NCAM2: variants seen among roughly 807,000 people sequenced by gnomAD.
NCAM2 encodes the protein N-CAM-2.
Under a neutral mutation model 98.1 loss-of-function variants are expected in NCAM2, and 30 were observed. The ratio of observed to expected loss-of-function variants is 0.31; its 90% CI spans 0.23 to 0.41. The LOEUF (loss-of-function observed/expected upper bound fraction) is 0.41. Ranked by LOEUF, NCAM2 falls within the 10% of genes least tolerant of loss-of-function variation. The pLI, the probability that NCAM2 is intolerant of heterozygous loss-of-function variation, is 1.00. For synonymous variants in NCAM2, 368 were observed against 342.4 expected, an observed-to-expected ratio of 1.07 and a Z score of -0.83; for missense variants, 867 against 1,005.8, an observed-to-expected ratio of 0.86 and a Z score of 1.87.
chr21:21,184,949 C>A (rs1302575396), intron 1 of NCAM2, among the ~76,000 whole-genome samples: 1 of 152,096 alleles, frequency 6.6e-6, no homozygotes, highest in Non-Finnish European at 1.5e-5. Flanking sequence ...ACCACACTTA[C>A]AGATGCATTT....
chr21:21,275,623 T>G (rs2072700422), intron 1 of NCAM2, among the ~76,000 whole-genome samples: 1 of 152,106 alleles, frequency 6.6e-6, no homozygotes, highest in Non-Finnish European at 1.5e-5. Context: ...AACCCTTGTG[T>G]CAACAGAGGT....
intron 1 of NCAM2, among the ~76,000 whole-genome samples, chr21:21,140,401 C>T (rs1031557324): frequency 9.9e-5 from 15 of 152,136 alleles, no homozygotes; most frequent in African/African-American, 3.6e-4. Context: ...TCCTGTAAGC[C>T]ATACCTTCAA....
intron 12 of NCAM2, among the ~76,000 whole-genome samples, chr21:21,438,837 T>A (rs1313246411): frequency 6.6e-6 from 1 of 151,988 alleles, no homozygotes; most frequent in Non-Finnish European, 1.5e-5. Context: ...GAAACCAACA[T>A]TTTGGGAAGG....
At chr21:21,528,455 A>T (rs1012558737) in intron 16 of NCAM2, among the ~76,000 whole-genome samples, 1 of 152,138 alleles carries the variant, frequency 6.6e-6, no homozygotes. Flanking sequence ...AGCAGGGGAT[A>T]CGTGGGAAAT....
At chr21:21,217,935 G>A (rs189168593) in intron 1 of NCAM2, among the ~76,000 whole-genome samples, 164 of 152,224 alleles carry the variant, frequency 1.1e-3, no homozygotes, top group Non-Finnish European at 1.2e-3. Flanking sequence ...GGAAACCTCA[G>A]CCCCACAACC....
At chr21:21,197,032 C>T (rs144634384) in intron 1 of NCAM2, among the ~76,000 whole-genome samples, 89 of 152,290 alleles carry the variant, frequency 5.8e-4, no homozygotes, top group African/African-American at 1.8e-3. Flanking sequence ...AGTAAAAGCT[C>T]GCTGAGACCT....
intron 1 of NCAM2, among the ~76,000 whole-genome samples, chr21:21,241,989 A>C (rs2071083788): frequency 1.3e-5 from 2 of 152,192 alleles, no homozygotes; most frequent in African/African-American, 2.4e-5. Flanking sequence ...ATATTAAAAT[A>C]ATGGATCTCA....
At chr21:21,502,057 T>G (rs1177664554) in intron 15 of NCAM2, among the ~76,000 whole-genome samples, 1 of 151,910 alleles carries the variant, frequency 6.6e-6, no homozygotes, top group African/African-American at 2.4e-5. Context: ...GAGAAAAATT[T>G]TGCCTAGTTG....
chr21:21,290,291 G>C (rs888108737), intron 4 of NCAM2: 5 of 151,916 alleles, frequency 3.3e-5, no homozygotes, highest in African/African-American at 1.2e-4. Flanking sequence ...AAGTATGATA[G>C]TGTTCCTCTT....
chr21:21,407,398 C>G (rs941027351), intron 9 of NCAM2, among the ~76,000 whole-genome samples: 1 of 152,192 alleles, frequency 6.6e-6, no homozygotes, highest in East Asian at 1.9e-4. Context: ...GCATTCAACA[C>G]TGATAATTCT....
intron 1 of NCAM2, among the ~76,000 whole-genome samples, chr21:21,106,770 G>A (rs951937543): frequency 2.0e-5 from 3 of 151,798 alleles, no homozygotes; most frequent in South Asian, 2.1e-4. Flanking sequence ...AAAGATAACC[G>A]CTACAGATTT....
At chr21:21,429,086 A>C (rs934772774) in intron 11 of NCAM2, among the ~76,000 whole-genome samples, 1 of 152,324 alleles carries the variant, frequency 6.6e-6, no homozygotes, top group South Asian at 2.1e-4. Flanking sequence ...AGTCATAAGC[A>C]TGCTTTTGCT....
intron 12 of NCAM2, among the ~76,000 whole-genome samples, chr21:21,441,673 T>G (rs892688070): frequency 2.6e-5 from 4 of 151,952 alleles, no homozygotes; most frequent in Admixed American, 1.3e-4. Flanking sequence ...AGTAAGGTAG[T>G]GAGGGTAGGT....
intron 1 of NCAM2, among the ~76,000 whole-genome samples, chr21:21,252,532 C>T (rs1022334420): frequency 5.3e-5 from 8 of 151,788 alleles, no homozygotes; most frequent in East Asian, 1.9e-4. Flanking sequence ...CTGAGAGCTA[C>T]GAAAGAAAAT....
intron 1 of NCAM2, among the ~76,000 whole-genome samples, chr21:21,215,588 C>T (rs955079286): frequency 1.3e-5 from 2 of 151,868 alleles, no homozygotes; most frequent in Non-Finnish European, 2.9e-5. Flanking sequence ...ATTAGCCGGG[C>T]GTGGTGGTGC....
At chr21:21,487,205 C>T (rs1453682705) in intron 15 of NCAM2, among the ~76,000 whole-genome samples, 4 of 152,022 alleles carry the variant, frequency 2.6e-5, no homozygotes, top group Non-Finnish European at 5.9e-5. Context: ...ATTATCTGAA[C>T]AATACTGTTG....
At chr21:21,457,161 GAA>G (rs1489673012) in intron 12 of NCAM2, among the ~76,000 whole-genome samples, 1 of 151,020 alleles carries the variant, frequency 6.6e-6, no homozygotes, top group African/African-American at 2.4e-5. Flanking sequence ...ACTATTAAGG[GAA>G]ATTCTTGTGA....
rs1176040967 is a variant in NCAM2, at chr21:21,276,645, A to T, written c.56-3933A>T. On this transcript the variant is annotated intron_variant, in intron 1 of 17. Transcript: ENST00000400546. Reference sequence around the variant, plus strand: ...TATTGATTTGGGTCAAAAATCAGCCACTAGGGCAAGATTAAGGCACAACCT... The same window carrying T: ...TATTGATTTGGGTCAAAAATCAGCCTCTAGGGCAAGATTAAGGCACAACCT... Among the ~76,000 whole-genome samples the T allele has an allele frequency of 2.0e-5, 3 of 152,224 alleles. No individual in the cohort carries two copies. In the East Asian group the frequency reaches 5.8e-4, roughly 29 times the overall value.
At chr21:21,459,941 A>C (rs182934527) in intron 12 of NCAM2, among the ~76,000 whole-genome samples, 18 of 152,160 alleles carry the variant, frequency 1.2e-4, no homozygotes, top group Non-Finnish European at 2.7e-4. Context: ...AAGTGTACAA[A>C]TACAAACATA....
Sources: allele counts gnomAD v4.1 joint callset (sites outside exome capture counted in the v4.1 genomes callset), GRCh38; gene constraint gnomAD v4.1.1; transcripts MANE v1.5; gene names NCBI Gene and HGNC (gene_info 2026-07-23, HGNC 2026-07-21).